Variants in TBXAS1 observed in about 807,000 individuals in gnomAD.
TBXAS1 encodes thromboxane A synthase 1, also known as thromboxane-A synthase.
TBXAS1 carries 48 observed loss-of-function variants against 60.7 expected under a neutral mutation model. That is an observed-to-expected ratio of 0.79 (90% CI 0.63 to 1.01). TBXAS1 has a LOEUF of 1.01. Ranked by LOEUF, TBXAS1 falls within the 50% of genes least tolerant of loss-of-function variation. TBXAS1 has a pLI of 0.00. For synonymous variants in TBXAS1, 287 were observed against 269.7 expected (o/e 1.06, Z -0.63); for missense variants, 685 against 686.3 (o/e 1.00, Z 0.02).
At chr7:140,001,425 C>T (rs115455393) in intron 9 of TBXAS1, among the ~76,000 whole-genome samples, 282 of 152,204 alleles carry the variant, frequency 1.9e-3, no homozygotes, top group African/African-American at 6.1e-3. Context: ...GTGCCAAGGG[C>T]CTGTCACCCA....
At chr7:139,977,155 G>A (rs1438960050) in intron 9 of TBXAS1, among the ~76,000 whole-genome samples, 1 of 152,082 alleles carries the variant, frequency 6.6e-6, no homozygotes, top group East Asian at 1.9e-4. Context: ...ACTCTAGGAG[G>A]GTGTATTAGT....
intron 4 of TBXAS1, among the ~76,000 whole-genome samples, chr7:139,820,636 C>T (rs779285781): frequency 4.9e-4 from 75 of 152,134 alleles, no homozygotes; most frequent in Non-Finnish European, 6.9e-4. Flanking sequence ...CAATGGCTTT[C>T]CTTTCCTTTT....
At chr7:139,951,370 C>T (rs1269203365) in intron 5 of TBXAS1, among the ~76,000 whole-genome samples, 1 of 151,878 alleles carries the variant, frequency 6.6e-6, no homozygotes, top group Non-Finnish European at 1.5e-5. Flanking sequence ...CTGTATTCCA[C>T]TTATGAGGCC....
At chr7:139,985,098 G>T (rs924928029) in intron 9 of TBXAS1, among the ~76,000 whole-genome samples, 1 of 152,210 alleles carries the variant, frequency 6.6e-6, no homozygotes, top group African/African-American at 2.4e-5. Flanking sequence ...GGAGCGAGGG[G>T]CTCACCTCTT....
intron 4 of TBXAS1, among the ~76,000 whole-genome samples, chr7:139,798,077 T>C (rs1797618020): frequency 6.6e-6 from 1 of 152,102 alleles, no homozygotes; most frequent in South Asian, 2.1e-4. Context: ...AGAATTTTTA[T>C]TTTTATTTTT....
At chr7:139,807,377 C>G (rs1277001669) in intron 4 of TBXAS1, among the ~76,000 whole-genome samples, 2 of 151,526 alleles carry the variant, frequency 1.3e-5, no homozygotes, top group East Asian at 1.9e-4. Context: ...GGTGTCCCAC[C>G]ACACCTAGTT....
At chr7:139,807,538 C>A (rs941376845) in intron 4 of TBXAS1, among the ~76,000 whole-genome samples, 5 of 152,134 alleles carry the variant, frequency 3.3e-5, no homozygotes, top group African/African-American at 1.2e-4. Flanking sequence ...TGCCCACCAT[C>A]ATGCCCTGCT....
intron 1 of TBXAS1, among the ~76,000 whole-genome samples, chr7:139,839,014 G>A (rs1187973803): frequency 6.6e-6 from 1 of 152,190 alleles, no homozygotes; most frequent in African/African-American, 2.4e-5. Flanking sequence ...CGAGTTGAAC[G>A]TTGCTCGAGG....
At chr7:139,841,536 G>A (rs1027161768) in intron 1 of TBXAS1, among the ~76,000 whole-genome samples, 7 of 149,674 alleles carry the variant, frequency 4.7e-5, no homozygotes, top group African/African-American at 1.7e-4. Context: ...TGGGTACTTC[G>A]ATTTAATAAC....
intron 9 of TBXAS1, among the ~76,000 whole-genome samples, chr7:139,983,094 A>G (rs755122893): frequency 6.6e-6 from 1 of 152,232 alleles, no homozygotes; most frequent in Non-Finnish European, 1.5e-5. Context: ...CATGTTTTAT[A>G]TCATTTCTGA....
At chr7:139,826,516 T>A (rs1798441920), upstream of TBXAS1, among the ~76,000 whole-genome samples, 1 of 152,214 alleles carries the variant, frequency 6.6e-6, no homozygotes, top group Non-Finnish European at 1.5e-5. Flanking sequence ...CGGTTCACTA[T>A]CTTATTTGTG....
chr7:140,016,164 T>TA (rs1299350532), intron 11 of TBXAS1, among the ~76,000 whole-genome samples: 3 of 151,920 alleles, frequency 2.0e-5, no homozygotes, highest in Admixed American at 6.5e-5. Flanking sequence ...CCATCTCTAC[T>TA]AAAAATACAA....
intron 4 of TBXAS1, among the ~76,000 whole-genome samples, chr7:139,793,524 A>G (rs1422865517): frequency 6.6e-6 from 1 of 152,320 alleles, no homozygotes; most frequent in Admixed American, 6.5e-5. Context: ...AGAGACCCAG[A>G]AAAAACAAAC....
chr7:139,830,046 T>C (rs1366656297), intron 1 of TBXAS1, among the ~76,000 whole-genome samples: 2 of 152,182 alleles, frequency 1.3e-5, no homozygotes, highest in African/African-American at 4.8e-5. Context: ...TCCTACAAAA[T>C]TTGAGACCCT....
chr7:140,011,216 G>T (rs986838233), intron 10 of TBXAS1, among the ~76,000 whole-genome samples: 6 of 151,916 alleles, frequency 3.9e-5, no homozygotes, highest in African/African-American at 1.5e-4. Context: ...GGCGGAGGTT[G>T]CAGTGAGCCA....
At chr7:139,950,663 C>T (rs1012912698) in intron 5 of TBXAS1, among the ~76,000 whole-genome samples, 1 of 128,444 alleles carries the variant, frequency 7.8e-6, no homozygotes. Context: ...AGGACTCCCT[C>T]ACCCTCCATC....
intron 9 of TBXAS1, among the ~76,000 whole-genome samples, chr7:139,985,544 C>A (rs998716986): frequency 1.8e-4 from 28 of 152,130 alleles, no homozygotes; most frequent in African/African-American, 6.0e-4. Flanking sequence ...ACTGATAAGC[C>A]CTATAAGTAT....
chr7:139,826,441 C>T (rs182824989), upstream of TBXAS1, among the ~76,000 whole-genome samples: 1 of 152,232 alleles, frequency 6.6e-6, no homozygotes, highest in East Asian at 1.9e-4. Context: ...TTTCATAATA[C>T]GTCTGTTAAA....
chr7:139,878,422 T>A (rs1478228884), intron 3 of TBXAS1, among the ~76,000 whole-genome samples: 2 of 152,188 alleles, frequency 1.3e-5, no homozygotes, highest in Non-Finnish European at 2.9e-5. Context: ...CAGTATCATC[T>A]CCATTCTTTG....
Sources: gnomAD v4.1 joint callset for allele counts (sites outside exome capture counted in the v4.1 genomes callset) on GRCh38, gnomAD v4.1.1 for gene constraint, MANE v1.5 for transcripts, NCBI Gene and HGNC (gene_info 2026-07-23, HGNC 2026-07-21) for gene names.